The following PLEKHG1 variants were observed in gnomAD, a reference collection of about 807,000 sequenced individuals.
PLEKHG1 encodes pleckstrin homology and RhoGEF domain containing G1, also known as pleckstrin homology domain-containing family G member 1.
A neutral mutation model predicts 100.8 loss-of-function variants in PLEKHG1; 44 were observed. That is an observed-to-expected ratio of 0.44 (90% CI 0.34 to 0.56). PLEKHG1 has a LOEUF of 0.56. Ranked by LOEUF, PLEKHG1 falls within the 20% of genes least tolerant of loss-of-function variation. PLEKHG1 has a pLI of 0.01. For missense variants in PLEKHG1, 1,545 were observed against 1,720.9 expected (o/e 0.90, Z 1.81); for synonymous variants, 640 against 662.5 (o/e 0.97, Z 0.52).
chr6:150,725,258 G>C (rs1781904268), intron 1 of PLEKHG1, among the ~76,000 whole-genome samples: 1 of 152,110 alleles, frequency 6.6e-6, no homozygotes, highest in African/African-American at 2.4e-5. Context: ...CATGAGGGTA[G>C]AGCCCTCATG....
chr6:150,681,927 C>T (rs982979914), intron 3 of PLEKHG1, among the ~76,000 whole-genome samples: 4 of 152,218 alleles, frequency 2.6e-5, no homozygotes, highest in Non-Finnish European at 5.9e-5. Context: ...AGCTAAACCC[C>T]ACTCTGCAGT....
intron 3 of PLEKHG1, among the ~76,000 whole-genome samples, chr6:150,772,056 G>A (rs925539659): frequency 6.6e-6 from 1 of 152,188 alleles, no homozygotes; most frequent in Non-Finnish European, 1.5e-5. Context: ...ATTCTGCTCT[G>A]TGGAGAATGG....
chr6:150,823,707 T>C, intron 14 of PLEKHG1, 31 bp downstream of exon 15: 1 of 1,583,968 alleles, frequency 6.3e-7, no homozygotes, highest in Non-Finnish European at 8.7e-7. Context: ...TACTTGGAAA[T>C]GTTCACTTCA....
chr6:150,721,060 G>A (rs777700842), upstream of PLEKHG1: 12 of 725,014 alleles, frequency 1.7e-5, no homozygotes, highest in Non-Finnish European at 2.0e-5. Context: ...TTGTGTGTTG[G>A]GTTTGGGAGA....
At chr6:150,842,179 G>T (rs916426682) in exon 16 of PLEKHG1, 6 of 152,234 alleles carry the variant, frequency 3.9e-5, no homozygotes, top group African/African-American at 1.4e-4. Context: ...AATGAAGGCA[G>T]ATATATTGCA....
intron 2 of PLEKHG1, among the ~76,000 whole-genome samples, chr6:150,640,523 T>C (rs1778208286): frequency 6.6e-6 from 1 of 152,154 alleles, no homozygotes. Flanking sequence ...TTCAGTATTT[T>C]CTACCCCTTC....
intron 1 of PLEKHG1, among the ~76,000 whole-genome samples, chr6:150,627,049 G>A (rs908319970): frequency 3.3e-5 from 5 of 152,150 alleles, no homozygotes; most frequent in African/African-American, 1.2e-4. Context: ...GTGATCTCTT[G>A]TAATAGATCA....
chr6:150,752,982 G>A (rs1379254501), intron 2 of PLEKHG1, among the ~76,000 whole-genome samples: 1 of 152,108 alleles, frequency 6.6e-6, no homozygotes, highest in Non-Finnish European at 1.5e-5. Context: ...GCATGATGGT[G>A]CCTTCCTGTA....
rs1278144184 is a variant in PLEKHG1 at position 150,822,177 on chromosome 6, A to AAAAAAAAAAAAAAAAAAAAAAAAAC, written c.1447+945_1447+946insAAAAAAAAAAAAAAAAAAAAAAACA. ...AAAAAAAAAAAAAAAAAAAAAAAAA[A>AAAAAAAAAAAAAAAAAAAAAAAAAC]AGAATAGGGCAGTTTCACAAAAACA... On this transcript the variant is annotated intron_variant, in intron 13 of 15. Coordinates refer to ENST00000358517, the Ensembl canonical transcript of PLEKHG1. 2.4e-5 allele frequency among the ~76,000 whole-genome samples: 3 copies of AAAAAAAAAAAAAAAAAAAAAAAAAC among 124,320 alleles called. 1 individual carries two copies. The highest frequency in any genetic ancestry group is 5.3e-5 in the Non-Finnish European group (3 of 56,360). 81.6% of individuals were successfully genotyped at this position (124,320 alleles called of 152,430 possible).
intron 3 of PLEKHG1, among the ~76,000 whole-genome samples, chr6:150,773,948 ATACT>A (rs564183498): frequency 8.5e-5 from 13 of 152,264 alleles, no homozygotes; most frequent in Non-Finnish European, 1.5e-4. Flanking sequence ...TTATTCCTAG[ATACT>A]TACAGCTTTT....
chr6:150,681,463 G>A (rs988109774), intron 3 of PLEKHG1, among the ~76,000 whole-genome samples: 1 of 149,684 alleles, frequency 6.7e-6, no homozygotes, highest in Non-Finnish European at 1.5e-5. Context: ...AGTGTGCCAA[G>A]ATTGTGCCAC....
At chr6:150,755,745 C>T (rs1339276810) in intron 2 of PLEKHG1, among the ~76,000 whole-genome samples, 1 of 152,186 alleles carries the variant, frequency 6.6e-6, no homozygotes, top group Non-Finnish European at 1.5e-5. Flanking sequence ...TGTTTCCCAC[C>T]TCGCTACATC....
At chr6:150,815,394 A>G (rs1307808302) in intron 10 of PLEKHG1, among the ~76,000 whole-genome samples, 1 of 152,234 alleles carries the variant, frequency 6.6e-6, no homozygotes, top group Non-Finnish European at 1.5e-5. Context: ...AGTCAGCTTT[A>G]CAGATACCAG....
At chr6:150,664,135 A>G (rs1374735829) in intron 3 of PLEKHG1, 2 of 152,206 alleles carry the variant, frequency 1.3e-5, no homozygotes, top group African/African-American at 4.8e-5. Flanking sequence ...CTTCTTTCTC[A>G]GGCAGTTTCC....
At chr6:150,819,870 C>A in intron 12 of PLEKHG1, 96 bp downstream of exon 13, 1 of 777,014 alleles carries the variant, frequency 1.3e-6, no homozygotes, top group Non-Finnish European at 2.3e-6. Context: ...TGTCTGGTTT[C>A]TCAGCTCACT....
At chr6:150,821,998 C>T (rs1238077905) in intron 13 of PLEKHG1, among the ~76,000 whole-genome samples, 5 of 150,532 alleles carry the variant, frequency 3.3e-5, no homozygotes, top group South Asian at 4.2e-4. Flanking sequence ...TGTGCCACCG[C>T]GCCTGGCTAA....
intron 3 of PLEKHG1, among the ~76,000 whole-genome samples, chr6:150,655,727 AAAAG>A (rs1562414261): frequency 4.6e-5 from 7 of 151,370 alleles, no homozygotes; most frequent in Non-Finnish European, 1.0e-4. Flanking sequence ...AAAAAAAAAA[AAAAG>A]AAAATGTGAC....
At chr6:150,822,150 C>CAAAAAAAAA (rs58672381) in intron 13 of PLEKHG1, among the ~76,000 whole-genome samples, 23 of 36,734 alleles carry the variant, frequency 6.3e-4, no homozygotes, top group South Asian at 1.9e-3. Flanking sequence ...CCAAAGGACT[C>CAAAAAAAAA]AAAAAAAAAA....
At chr6:150,679,016 G>A (rs1353815005) in intron 3 of PLEKHG1, among the ~76,000 whole-genome samples, 1 of 152,034 alleles carries the variant, frequency 6.6e-6, no homozygotes, top group African/African-American at 2.4e-5. Context: ...ATAAATCTCT[G>A]AAAAAACAAT....
Sources: allele counts gnomAD v4.1 joint callset (sites outside exome capture counted in the v4.1 genomes callset), GRCh38; gene constraint gnomAD v4.1.1; transcripts MANE v1.5; gene names NCBI Gene and HGNC (gene_info 2026-07-23, HGNC 2026-07-21).